LRRC3B: variants seen among roughly 807,000 people sequenced by gnomAD.
LRRC3B encodes the protein leucine rich repeat containing 3B.
LRRC3B carries 2 observed loss-of-function variants against 12.8 expected under a neutral mutation model. The ratio of observed to expected loss-of-function variants is 0.16; its 90% confidence interval spans 0.06 to 0.49. LRRC3B has a LOEUF of 0.49. Among genes scored for constraint, LRRC3B ranks in the 20% least tolerant of loss-of-function variants. The pLI, the probability that LRRC3B is intolerant of heterozygous loss-of-function variation, is 0.96. For synonymous variants in LRRC3B, 132 were observed against 122.0 expected, an observed-to-expected ratio of 1.08 and a Z score of -0.54; for missense variants, 189 against 319.4, an observed-to-expected ratio of 0.59 and a Z score of 3.11.
chr3:26,710,483 G>C, exon 2 of LRRC3B: 2 of 1,522,698 alleles, frequency 1.3e-6, no homozygotes, highest in South Asian at 1.3e-5. Flanking sequence ...GAGAAAGAAA[G>C]AAAGTAGTTT....
intron 1 of LRRC3B, among the ~76,000 whole-genome samples, chr3:26,663,858 G>A (rs767710035): frequency 2.6e-5 from 4 of 152,040 alleles, no homozygotes; most frequent in Non-Finnish European, 5.9e-5. Flanking sequence ...TTCTCCTCCA[G>A]TTCAGAACCT....
At chr3:26,639,725 A>G (rs1698982032) in intron 1 of LRRC3B, among the ~76,000 whole-genome samples, 1 of 152,128 alleles carries the variant, frequency 6.6e-6, no homozygotes, top group South Asian at 2.1e-4. Context: ...CTCACTGGAA[A>G]TGTTAGAGTC....
chr3:26,651,595 TTGAA>T (rs34871865), intron 1 of LRRC3B, among the ~76,000 whole-genome samples: 6,713 of 152,080 alleles, frequency 0.044, 301 homozygotes, highest in East Asian at 0.23. Context: ...TAAATATCTG[TTGAA>T]TGAATGAATG....
intron 1 of LRRC3B, among the ~76,000 whole-genome samples, chr3:26,693,296 T>C (rs1287181735): frequency 3.8e-5 from 5 of 130,032 alleles, no homozygotes; most frequent in Admixed American, 1.8e-4. Flanking sequence ...GCCACTGCAC[T>C]CCAGCCTGGG....
intron 1 of LRRC3B, among the ~76,000 whole-genome samples, chr3:26,664,105 G>A (rs1026756401): frequency 1.7e-4 from 26 of 151,956 alleles, no homozygotes; most frequent in South Asian, 6.2e-4. Flanking sequence ...TTTATCATCT[G>A]CCCCTCTCCA....
chr3:26,668,193 A>C (rs574370078), intron 1 of LRRC3B, among the ~76,000 whole-genome samples: 143 of 152,304 alleles, frequency 9.4e-4, no homozygotes, highest in Middle Eastern at 6.8e-3. Flanking sequence ...CTGTTGAAAC[A>C]ATCAGAGAGC....
intron 1 of LRRC3B, among the ~76,000 whole-genome samples, chr3:26,647,521 A>C (rs1297233314): frequency 1.3e-5 from 2 of 152,194 alleles, no homozygotes; most frequent in African/African-American, 2.4e-5. Flanking sequence ...GTGCCTTAGA[A>C]ATTATAAAAC....
At chr3:26,654,629 A>T (rs1699333482) in intron 1 of LRRC3B, among the ~76,000 whole-genome samples, 1 of 152,214 alleles carries the variant, frequency 6.6e-6, no homozygotes, top group African/African-American at 2.4e-5. Context: ...GAGATGAGAA[A>T]GTGTGTAGTG....
intron 1 of LRRC3B, among the ~76,000 whole-genome samples, chr3:26,683,074 G>C (rs1467583122): frequency 6.6e-6 from 1 of 152,144 alleles, no homozygotes; most frequent in Non-Finnish European, 1.5e-5. Context: ...TTGGTTACAA[G>C]ATGTTCTGGG....
At chr3:26,646,795 G>C (rs143542406) in intron 1 of LRRC3B, among the ~76,000 whole-genome samples, 1 of 152,074 alleles carries the variant, frequency 6.6e-6, no homozygotes. Flanking sequence ...CCTCCAGATG[G>C]TAGGGTGTGG....
intron 1 of LRRC3B, among the ~76,000 whole-genome samples, chr3:26,635,376 T>C (rs1698844318): frequency 6.6e-6 from 1 of 152,154 alleles, no homozygotes; most frequent in Non-Finnish European, 1.5e-5. Flanking sequence ...CCCAATGTGA[T>C]GGTATTTGGA....
chr3:26,661,621 T>C (rs1699493546), intron 1 of LRRC3B, among the ~76,000 whole-genome samples: 1 of 152,196 alleles, frequency 6.6e-6, no homozygotes, highest in African/African-American at 2.4e-5. Flanking sequence ...ATAGTTACTC[T>C]AGCCAACTTT....
chr3:26,685,519 C>CTATA (rs1426055308), intron 1 of LRRC3B, among the ~76,000 whole-genome samples: 16 of 47,774 alleles, frequency 3.3e-4, no homozygotes, highest in African/African-American at 5.7e-4. Flanking sequence ...CTCTCTCTCT[C>CTATA]TCTCTATATA....
chr3:26,651,156 T>G (rs1699256910), intron 1 of LRRC3B, among the ~76,000 whole-genome samples: 1 of 152,102 alleles, frequency 6.6e-6, no homozygotes. Flanking sequence ...ATATAGAGAA[T>G]GGGTGTAGTT....
chr3:26,645,502 T>C (rs1699123591), intron 1 of LRRC3B, among the ~76,000 whole-genome samples: 1 of 152,156 alleles, frequency 6.6e-6, no homozygotes. Flanking sequence ...CAAACAATAC[T>C]ATTACACAAA....
rs946021373 is a variant in LRRC3B at position 26,707,065 on chromosome 3, G to A, written c.-160-2448G>A. Among the ~76,000 whole-genome samples the A allele has an allele frequency of 1.9e-4, 29 of 151,962 alleles. 1 individual carries two copies. The highest frequency in any genetic ancestry group is 1.0e-3 in the South Asian group (5 of 4,800). ...GCATCGAACTTTTACTACCAATTTC[G>A]TACTGTGCTAAGCGCAGTGGCTCAT... On this transcript the variant is annotated intron_variant, in intron 1 of 1. Coordinates refer to ENST00000396641, the Ensembl canonical transcript of LRRC3B.
At chr3:26,679,324 A>C (rs1425929388) in intron 1 of LRRC3B, among the ~76,000 whole-genome samples, 6 of 152,228 alleles carry the variant, frequency 3.9e-5, no homozygotes, top group Non-Finnish European at 8.8e-5. Context: ...AATAAAATCC[A>C]AACCTTCTGG....
chr3:26,693,068 C>T (rs373435741), intron 1 of LRRC3B, among the ~76,000 whole-genome samples: 1 of 152,052 alleles, frequency 6.6e-6, no homozygotes, highest in Non-Finnish European at 1.5e-5. Flanking sequence ...CGGTGGCTCA[C>T]GCCTGTAATC....
chr3:26,693,556 T>A (rs1487946764), intron 1 of LRRC3B, among the ~76,000 whole-genome samples: 3 of 152,188 alleles, frequency 2.0e-5, no homozygotes, highest in Non-Finnish European at 4.4e-5. Flanking sequence ...TGAGGAATCA[T>A]GGAAGTCAGT....
Sources: gnomAD v4.1 joint callset for allele counts (sites outside exome capture counted in the v4.1 genomes callset) on GRCh38, gnomAD v4.1.1 for gene constraint, MANE v1.5 for transcripts, NCBI Gene and HGNC (gene_info 2026-07-23, HGNC 2026-07-21) for gene names.